CCDC18: variants seen among roughly 807,000 people sequenced by gnomAD.
CCDC18 encodes the protein coiled-coil domain-containing protein 18.
CCDC18 carries 157 observed loss-of-function variants against 196.0 expected under a neutral mutation model. That is an observed-to-expected ratio of 0.80 (90% CI 0.70 to 0.91). CCDC18 has a LOEUF of 0.91. Ranked by LOEUF, CCDC18 falls within the 40% of genes least tolerant of loss-of-function variation. CCDC18 has a pLI of 0.00. For missense variants in CCDC18, 1,465 were observed against 1,611.6 expected (o/e 0.91, Z 1.56); for synonymous variants, 482 against 529.2 (o/e 0.91, Z 1.22).
intron 28 of CCDC18, among the ~76,000 whole-genome samples, chr1:93,273,169 C>T (rs368953814): frequency 1.3e-5 from 2 of 151,862 alleles, no homozygotes; most frequent in Admixed American, 6.6e-5. Context: ...CCCAGGTTCA[C>T]GCCATTCTCC....
intron 22 of CCDC18, 146 bp downstream of exon 22, chr1:93,246,350 G>C: frequency 3.9e-6 from 2 of 507,330 alleles, no homozygotes; most frequent in Admixed American, 7.7e-5. Context: ...TTAGAGATAT[G>C]TCATCTCTCT....
At chr1:93,273,057 AT>A (rs1204709263) in intron 28 of CCDC18, among the ~76,000 whole-genome samples, 1 of 151,248 alleles carries the variant, frequency 6.6e-6, no homozygotes, top group Non-Finnish European at 1.5e-5. Flanking sequence ...AAATTTCTTT[AT>A]CAATTGCTTT....
In CCDC18 at chr1:93,278,658, T is replaced by C. The variant is rs2101602486; in HGVS notation, c.*181T>C. ...TATATTTTTAAAGAAAATTTATTAT[T>C]TTATTTATTGTTTTTTGGCTTAAAC... is the stretch of plus-strand genomic sequence containing the variant. On this transcript the variant is annotated 3_prime_UTR_variant, in exon 29 of 29. Transcript: ENST00000690025. 1 of 328,038 alleles carries C rather than the reference T, an allele frequency of 3.0e-6. No individual in the cohort carries two copies. The highest frequency in any genetic ancestry group is 5.4e-6 in the Non-Finnish European group (1 of 184,482). 20.3% of individuals were successfully genotyped at this position (328,038 alleles called of 1,614,324 possible).
At chr1:93,205,262 G>T (rs1654537413) in intron 7 of CCDC18, among the ~76,000 whole-genome samples, 1 of 152,128 alleles carries the variant, frequency 6.6e-6, no homozygotes, top group Non-Finnish European at 1.5e-5. Flanking sequence ...ATGAATTTTT[G>T]ACTTCAGTTG....
At chr1:93,271,076 T>C in intron 28 of CCDC18, 1 of 983,816 alleles carries the variant, frequency 1.0e-6, no homozygotes, top group South Asian at 4.7e-5. Context: ...ATGAAAGTGC[T>C]TAAAAATAAA....
chr1:93,199,122 G>A (rs923514209), intron 6 of CCDC18, among the ~76,000 whole-genome samples: 6 of 152,240 alleles, frequency 3.9e-5, no homozygotes, highest in African/African-American at 1.4e-4. Context: ...AGAAACCTCT[G>A]TGGCCAGTGG....
chr1:93,232,404 GATAT>G lies in CCDC18; in HGVS notation c.2293-11_2293-8del. ...TTTGAAACATTGCATTGTATTGAGA[GATAT>G]ATATATATATTTGCCAGGTATATTG... On this transcript the variant is annotated intron_variant, in intron 17 of 28. Coordinates refer to ENST00000690025, the MANE Select transcript of CCDC18 (RefSeq NM_001378204.1). 11 of 1,310,616 alleles carry G rather than the reference GATAT, an allele frequency of 8.4e-6. No homozygotes were observed. Among genetic ancestry groups the G allele is most frequent in the East Asian group, 2.4e-5 (1 of 41,014 alleles). The allele number at this position is 1,310,616 out of a possible 1,614,324, so 81.2% of individuals were successfully genotyped here.
intron 24 of CCDC18, among the ~76,000 whole-genome samples, chr1:93,255,109 C>G (rs999777954): frequency 1.3e-4 from 20 of 151,630 alleles, no homozygotes; most frequent in African/African-American, 3.6e-4. Flanking sequence ...CCTGCCACCA[C>G]GCCTGGCTAA....
rs975372208 is a variant in CCDC18, at chr1:93,258,868, G to T, written c.3667G>T (p.Glu1223Ter). The T allele has an allele frequency of 1.9e-6, 3 of 1,596,248 alleles. No homozygotes were observed. Among genetic ancestry groups the T allele is most frequent in the African/African-American group, 1.3e-5 (1 of 74,086 alleles). ...KLSAEVESLK[E>*]AYHMEMISHQ... ...GTCAGCAGAAGTAGAATCTCTCAAA[G>T]AAGCTTATCATATGGAGGTAAAGAA... The change falls in exon 26 of 29, where the codon GAA becomes TAA. Residue 1223 changes from glutamate (E) to a stop codon, truncating the protein, a stop_gained. Transcript: ENST00000690025. LOFTEE classifies it high-confidence loss of function.
At chr1:93,254,941 CTTTTTTTTTTTTTT>C (rs34139452) in intron 24 of CCDC18, among the ~76,000 whole-genome samples, 7 of 44,268 alleles carry the variant, frequency 1.6e-4, no homozygotes, top group African/African-American at 6.0e-4. Flanking sequence ...GAGGAGTCAG[CTTTTTTTTTTTTTT>C]TTTTTTTTTT....
At chr1:93,198,649 C>CTT (rs754493442) in intron 6 of CCDC18, among the ~76,000 whole-genome samples, 32 of 151,924 alleles carry the variant, frequency 2.1e-4, no homozygotes, top group Non-Finnish European at 4.6e-4. Flanking sequence ...TATGTATAGT[C>CTT]TTAATTTTTT....
intron 1 of CCDC18, among the ~76,000 whole-genome samples, chr1:93,181,616 GTTCT>G (rs1281451359): frequency 4.6e-5 from 7 of 151,972 alleles, no homozygotes; most frequent in Admixed American, 1.3e-4. Flanking sequence ...GAGTTAGGGA[GTTCT>G]TTCTTTTTTT....
chr1:93,256,350 G>A lies in CCDC18; in HGVS notation c.3358G>A (p.Glu1120Lys). The change falls in exon 25 of 29, where the codon GAA (glutamate) becomes AAA (lysine). Residue 1120 changes from glutamate (E) to lysine (K), a missense_variant. Physicochemically the swap from Glu to Lys is moderately conservative, Grantham distance 56 (BLOSUM62 1). Coordinates refer to ENST00000690025, the MANE Select transcript of CCDC18 (RefSeq NM_001378204.1). ...TGCTTTTCAGGTTATGAAAGAGCAA[G>A]AACAGTACATTGCCACTCAGTACAA... Reference protein sequence around the residue: ...KEMESVMKEQEQYIATQYKEA... With the variant: ...KEMESVMKEQKQYIATQYKEA... The A allele has an allele frequency of 6.2e-7, 1 of 1,614,012 alleles. No individual in the cohort carries two copies. Among genetic ancestry groups the A allele is most frequent in the East Asian group, 2.2e-5 (1 of 44,870 alleles).
intron 25 of CCDC18, among the ~76,000 whole-genome samples, chr1:93,256,907 T>G (rs1018846414): frequency 1.3e-5 from 2 of 152,048 alleles, no homozygotes; most frequent in Non-Finnish European, 2.9e-5. Flanking sequence ...TGAGTAAAAA[T>G]TTTTACATTT....
At chr1:93,226,576 C>T (rs1658367013) in intron 17 of CCDC18, 127 bp downstream of exon 17, 1 of 313,266 alleles carries the variant, frequency 3.2e-6, no homozygotes, top group Non-Finnish European at 6.0e-6. Flanking sequence ...CCATGTTGCC[C>T]AGGCTGGAGT....
In CCDC18 at chr1:93,214,986, G is replaced by T. The variant is rs753860720; in HGVS notation, c.1719+20G>T. ...AGTGAAGTAAGCTTGGAATTAGCTTGGTATATATGTTAATTTTTGAACTAG... is the reference window on the plus strand; with the variant it reads ...AGTGAAGTAAGCTTGGAATTAGCTTTGTATATATGTTAATTTTTGAACTAG... On this transcript the variant is annotated intron_variant, in intron 12 of 28. Coordinates refer to ENST00000690025, the MANE Select transcript of CCDC18 (RefSeq NM_001378204.1). The T allele has an allele frequency of 8.2e-6, 12 of 1,461,144 alleles. No individual in the cohort carries two copies. In the African/African-American group the frequency reaches 1.6e-4, roughly 19 times the overall value. The allele number at this position is 1,461,144 out of a possible 1,614,324, so 90.5% of individuals were successfully genotyped here.
intron 6 of CCDC18, among the ~76,000 whole-genome samples, chr1:93,198,328 T>C (rs1653149340): frequency 6.6e-6 from 1 of 152,236 alleles, no homozygotes; most frequent in Non-Finnish European, 1.5e-5. Context: ...CAACATGGAT[T>C]ATTATCACAC....
chr1:93,271,423 C>T (rs1665248767), intron 28 of CCDC18: 1 of 985,104 alleles, frequency 1.0e-6, no homozygotes, highest in African/African-American at 1.7e-5. Flanking sequence ...AATTCTTGAA[C>T]ATGTACTTTC....
Position 93,244,733 on chromosome 1 carries a change from C to T in CCDC18, c.2982-1372C>T, listed in dbSNP as rs1284291121. ...TAAATTTTATATTATATGAATTTTACCACAGTTAAAAAAATCCAAGTTCCT... is the reference window on the plus strand; with the variant it reads ...TAAATTTTATATTATATGAATTTTATCACAGTTAAAAAAATCCAAGTTCCT... On this transcript the variant is annotated intron_variant, in intron 21 of 28. Transcript: ENST00000690025. Among the ~76,000 whole-genome samples the T allele has an allele frequency of 2.0e-5, 3 of 152,040 alleles. No individual in the cohort carries two copies. In the East Asian group the frequency reaches 5.8e-4, roughly 29 times the overall value.
Sources: allele counts gnomAD v4.1 joint callset (sites outside exome capture counted in the v4.1 genomes callset), GRCh38; gene constraint gnomAD v4.1.1; transcripts MANE v1.5; gene names NCBI Gene and HGNC (gene_info 2026-07-23, HGNC 2026-07-21).